The following TAFA4 variants were observed in gnomAD, a reference collection of about 807,000 sequenced individuals.
TAFA4 encodes the protein TAFA chemokine like family member 4.
In TAFA4, 20 loss-of-function variants were observed where a neutral mutation model predicts 21.1. That is an observed-to-expected ratio of 0.95 (90% CI 0.67 to 1.38). The LOEUF is 1.38. TAFA4 is among the 40% of genes most tolerant of loss of function. The pLI, the probability that TAFA4 is intolerant of heterozygous loss-of-function variation, is 0.00. For missense variants in TAFA4, 211 were observed against 180.9 expected, an observed-to-expected ratio of 1.17 and a Z score of -0.95; for synonymous variants, 71 against 67.4, an observed-to-expected ratio of 1.05 and a Z score of -0.26.
At chr3:68,796,171 A>G (rs957341827) in intron 3 of TAFA4, among the ~76,000 whole-genome samples, 3 of 152,202 alleles carry the variant, frequency 2.0e-5, no homozygotes, top group African/African-American at 7.2e-5. Context: ...GGCAAGTTCT[A>G]TAGGCCCTAA....
intron 3 of TAFA4, among the ~76,000 whole-genome samples, chr3:68,764,392 A>G (rs1283810216): frequency 6.6e-6 from 1 of 152,118 alleles, no homozygotes; most frequent in East Asian, 1.9e-4. Flanking sequence ...AACAAAATAA[A>G]TTTATTTTGT....
intron 3 of TAFA4, among the ~76,000 whole-genome samples, chr3:68,788,982 C>T (rs1703313565): frequency 6.6e-6 from 1 of 151,950 alleles, no homozygotes; most frequent in Non-Finnish European, 1.5e-5. Flanking sequence ...GCCTGTAATC[C>T]CAGCACTTTG....
rs377692805 is a variant in TAFA4, at chr3:68,909,441, CTCAG to C, written c.-123+22795_-123+22798del. Among the ~76,000 whole-genome samples, 965 of 152,306 alleles carry C rather than the reference CTCAG, an allele frequency of 6.3e-3. 16 individuals carry two copies. The highest frequency in any genetic ancestry group is 0.022 in the African/African-American group (900 of 41,554). ...CACAGTGCCTGGCACCAAGTAGTCC[CTCAG>C]TAAATATATCTACTGAATGAGTGAA... is the stretch of plus-strand genomic sequence containing the variant. On this transcript the variant is annotated intron_variant, in intron 1 of 5. Coordinates refer to ENST00000295569, the MANE Select transcript of TAFA4 (RefSeq NM_182522.5).
chr3:68,856,739 C>G (rs1575643738), intron 3 of TAFA4, among the ~76,000 whole-genome samples: 1 of 152,112 alleles, frequency 6.6e-6, no homozygotes, highest in African/African-American at 2.4e-5. Flanking sequence ...GAAGGAATAA[C>G]AACAAGAATT....
At chr3:68,864,232 A>G (rs575286675) in intron 3 of TAFA4, among the ~76,000 whole-genome samples, 99 of 152,184 alleles carry the variant, frequency 6.5e-4, no homozygotes, top group Non-Finnish European at 1.1e-3. Context: ...GAATATAAAA[A>G]GATCTCTCAA....
intron 3 of TAFA4, among the ~76,000 whole-genome samples, chr3:68,799,946 T>A (rs1559525041): frequency 6.6e-6 from 1 of 152,014 alleles, no homozygotes; most frequent in Non-Finnish European, 1.5e-5. Flanking sequence ...CTCACAGAAG[T>A]GTGAATCCTA....
At chr3:68,808,184 A>T (rs1244105523) in intron 3 of TAFA4, among the ~76,000 whole-genome samples, 1 of 152,170 alleles carries the variant, frequency 6.6e-6, no homozygotes, top group East Asian at 1.9e-4. Context: ...AGGAAGGAAC[A>T]CACAGGAAAG....
At chr3:68,925,181 T>G (rs2090095842) in intron 1 of TAFA4, among the ~76,000 whole-genome samples, 1 of 152,120 alleles carries the variant, frequency 6.6e-6, no homozygotes, top group South Asian at 2.1e-4. Context: ...ATGGCTCTTT[T>G]GATTTGGGTC....
intron 1 of TAFA4, among the ~76,000 whole-genome samples, chr3:68,930,580 AT>A (rs1297491706): frequency 1.3e-5 from 2 of 152,238 alleles, no homozygotes; most frequent in African/African-American, 4.8e-5. Flanking sequence ...GCTTTCTGCT[AT>A]GAGAATATTG....
intron 3 of TAFA4, among the ~76,000 whole-genome samples, chr3:68,763,697 C>G (rs1219852827): frequency 6.6e-6 from 1 of 152,020 alleles, no homozygotes; most frequent in Non-Finnish European, 1.5e-5. Flanking sequence ...TAAGGACTTT[C>G]CTTTTGTCAG....
intron 3 of TAFA4, among the ~76,000 whole-genome samples, chr3:68,806,649 G>A (rs185683208): frequency 2.0e-5 from 3 of 152,198 alleles, no homozygotes; most frequent in African/African-American, 4.8e-5. Context: ...GCAATATGAT[G>A]GTGGTAGAAG....
chr3:68,870,012 T>C (rs1031229319), intron 3 of TAFA4, among the ~76,000 whole-genome samples: 1 of 151,998 alleles, frequency 6.6e-6, no homozygotes, highest in African/African-American at 2.4e-5. Flanking sequence ...TCAGTAAAGT[T>C]GCAGGATACA....
At chr3:68,848,706 T>A (rs1483322281) in intron 3 of TAFA4, among the ~76,000 whole-genome samples, 1 of 152,206 alleles carries the variant, frequency 6.6e-6, no homozygotes, top group African/African-American at 2.4e-5. Context: ...CAGTAATTTC[T>A]GTTGCCAACT....
chr3:68,837,650 A>C (rs145738051), intron 3 of TAFA4, among the ~76,000 whole-genome samples: 1 of 152,316 alleles, frequency 6.6e-6, no homozygotes, highest in East Asian at 1.9e-4. Context: ...AAATTCAAAC[A>C]CAAGTGACCC....
chr3:68,857,574 C>T (rs886638449), intron 3 of TAFA4, among the ~76,000 whole-genome samples: 1 of 151,980 alleles, frequency 6.6e-6, no homozygotes, highest in Non-Finnish European at 1.5e-5. Flanking sequence ...TTATCATTAT[C>T]TAAAGATACA....
chr3:68,753,903 A>T (rs183019156), intron 3 of TAFA4, among the ~76,000 whole-genome samples: 1 of 152,186 alleles, frequency 6.6e-6, no homozygotes, highest in Non-Finnish European at 1.5e-5. Flanking sequence ...ATTTAACCCA[A>T]TGGTGAGACG....
At chr3:68,828,202 T>C (rs532054867) in intron 3 of TAFA4, among the ~76,000 whole-genome samples, 244 of 152,342 alleles carry the variant, frequency 1.6e-3, no homozygotes, top group Non-Finnish European at 3.3e-3. Flanking sequence ...CATGGTGTTA[T>C]TTCTGAGGCC....
At chr3:68,893,646 A>G (rs1333138612) in intron 1 of TAFA4, among the ~76,000 whole-genome samples, 6 of 152,222 alleles carry the variant, frequency 3.9e-5, no homozygotes, top group Non-Finnish European at 7.3e-5. Flanking sequence ...GCTACTGTTA[A>G]CAAACAGCTC....
At chr3:68,822,311 T>C (rs1575625028) in intron 3 of TAFA4, among the ~76,000 whole-genome samples, 1 of 152,216 alleles carries the variant, frequency 6.6e-6, no homozygotes, top group East Asian at 1.9e-4. Flanking sequence ...GCTACTCTAT[T>C]ATGAACTCTG....
Sources: allele counts gnomAD v4.1 joint callset (sites outside exome capture counted in the v4.1 genomes callset), GRCh38; gene constraint gnomAD v4.1.1; transcripts MANE v1.5; gene names NCBI Gene and HGNC (gene_info 2026-07-23, HGNC 2026-07-21).